Variants in SMC6 observed in about 807,000 individuals in gnomAD.
SMC6 encodes structural maintenance of chromosomes protein 6.
In SMC6, 79 loss-of-function variants were observed where a neutral mutation model predicts 142.2. The ratio of observed to expected loss-of-function variants is 0.56; its 90% CI spans 0.46 to 0.67. The LOEUF (loss-of-function observed/expected upper bound fraction) is 0.67. SMC6 is among the 30% of genes least tolerant of loss of function. The pLI, the probability that SMC6 is intolerant of heterozygous loss-of-function variation, is 0.00. For missense variants in SMC6, 1,072 were observed against 1,284.0 expected, an observed-to-expected ratio of 0.83 and a Z score of 2.52; for synonymous variants, 411 against 412.4, an observed-to-expected ratio of 1.00 and a Z score of 0.04.
chr2:17,666,068 C>T (rs761655269), intron 27 of SMC6, among the ~76,000 whole-genome samples: 2 of 152,130 alleles, frequency 1.3e-5, no homozygotes, highest in Non-Finnish European at 2.9e-5. Context: ...GAAAGATTGA[C>T]ATTTGTAAGT....
chr2:17,694,441 C>G (rs1667896276), intron 23 of SMC6, among the ~76,000 whole-genome samples: 1 of 152,056 alleles, frequency 6.6e-6, no homozygotes, highest in Non-Finnish European at 1.5e-5. Flanking sequence ...CATATGTACC[C>G]CACTGGAGTA....
At chr2:17,689,300 G>T (rs1048045172) in intron 23 of SMC6, among the ~76,000 whole-genome samples, 1 of 152,094 alleles carries the variant, frequency 6.6e-6, no homozygotes, top group African/African-American at 2.4e-5. Context: ...TTCTGTAAAA[G>T]AGCATGACAA....
At chr2:17,738,123 G>T (rs1670246803) in intron 5 of SMC6, 98 bp downstream of exon 5, 1 of 824,498 alleles carries the variant, frequency 1.2e-6, no homozygotes, top group Non-Finnish European at 1.9e-6. Context: ...TTCTGGGAAG[G>T]CACTTCATTT....
chr2:17,666,997 A>G (rs1384516214), intron 26 of SMC6, among the ~76,000 whole-genome samples: 1 of 152,212 alleles, frequency 6.6e-6, no homozygotes, highest in Non-Finnish European at 1.5e-5. Flanking sequence ...GAAAAAAGAG[A>G]AACTCTTCGG....
Position 17,715,022 on chromosome 2 carries a change from A to G in SMC6, c.1569T>C (p.Ile523=), listed in dbSNP as rs758151706. Residue 523 remains isoleucine (I), a synonymous_variant, in exon 16 of 28, where the codon ATT becomes ATC. Coordinates refer to ENST00000448223, the MANE Select transcript of SMC6 (RefSeq NM_001142286.2). ...GCAGAAGCCCTTTTAAGCAAGATTC[A>G]ATAGCCAAAGCAAGTTCTGGGTCCC... The part of the protein sequence containing the change: ...HLRDPELALA[I]ESCLKGLLQA... 36 of 1,613,862 alleles carry G rather than the reference A, an allele frequency of 2.2e-5. No homozygotes were observed. Among genetic ancestry groups the G allele is most frequent in the Non-Finnish European group, 3.1e-5 (36 of 1,179,930 alleles).
At chr2:17,745,222 A>T (rs1399556393) in intron 3 of SMC6, among the ~76,000 whole-genome samples, 2 of 152,182 alleles carry the variant, frequency 1.3e-5, no homozygotes, top group Admixed American at 1.3e-4. Context: ...AAGATAATAC[A>T]TTGAAAAGTG....
chr2:17,699,379 T>C (rs536386706), intron 21 of SMC6, among the ~76,000 whole-genome samples: 2 of 152,262 alleles, frequency 1.3e-5, no homozygotes, highest in Non-Finnish European at 1.5e-5. Flanking sequence ...TAAGACCTTT[T>C]CTTTAATTTC....
intron 2 of SMC6, among the ~76,000 whole-genome samples, chr2:17,749,264 C>G (rs571442577): frequency 1.3e-5 from 2 of 152,104 alleles, no homozygotes; most frequent in African/African-American, 4.8e-5. Flanking sequence ...ATCCATAAAG[C>G]TCGTCATAGT....
intron 23 of SMC6, among the ~76,000 whole-genome samples, chr2:17,691,143 T>C (rs1050906228): frequency 4.0e-5 from 6 of 150,506 alleles, no homozygotes; most frequent in Admixed American, 1.3e-4. Context: ...TCAAGATATA[T>C]CACTAAACCA....
chr2:17,669,941 T>C (rs1666676941), intron 26 of SMC6, among the ~76,000 whole-genome samples: 1 of 152,164 alleles, frequency 6.6e-6, no homozygotes, highest in African/African-American at 2.4e-5. Context: ...CAGAGGTAGG[T>C]CTCAAATCCT....
rs1666450323 is a variant in SMC6, at chr2:17,665,434, A to G, written c.*65T>C. 9.9e-7 allele frequency: 1 copy of G among 1,010,698 alleles called. No homozygotes were observed. Among genetic ancestry groups the G allele is most frequent in the South Asian group, 1.8e-5 (1 of 54,326 alleles). The allele number at this position is 1,010,698 out of a possible 1,614,324, so 62.6% of individuals were successfully genotyped here. A position where few individuals can be genotyped will look rare whatever the true frequency, so the allele number is the denominator to read the frequency against. On this transcript the variant is annotated 3_prime_UTR_variant, in exon 28 of 28. Coordinates refer to ENST00000448223, the MANE Select transcript of SMC6 (RefSeq NM_001142286.2). ...CCAGTCTCATTTTATTATATCAAAG[A>G]GTCCAGAATTTTTTTTCCCTTCACA...
rs61762669 is a variant in SMC6, at chr2:17,678,929, T to C, written c.2840A>G (p.Asn947Ser). 2 of 1,612,188 alleles carry C rather than the reference T, an allele frequency of 1.2e-6. No homozygotes were observed. Among genetic ancestry groups the C allele is most frequent in the Non-Finnish European group, 1.7e-6 (2 of 1,179,082 alleles). The change falls in exon 25 of 28, where the codon AAC becomes AGC. Residue 947 changes from asparagine to serine, a missense_variant. By Grantham distance (46) the Asn-to-Ser change is conservative. Transcript: ENST00000448223. ...LTLRCKLYFD[N>S]LLSQRAYCGK... The stretch of plus-strand genomic sequence containing the variant: ...ACAATAGGCCCGCTGAGATAGTAAG[T>C]TGTCAAAGTATAATTTGCATCGTAA...
chr2:17,708,626 C>G lies in SMC6; in HGVS notation c.1845+13G>C. On this transcript the variant is annotated intron_variant, in intron 17 of 27. Coordinates refer to ENST00000448223, the MANE Select transcript of SMC6 (RefSeq NM_001142286.2). ...CAATAACATCAAATACAGCAAAGAT[C>G]TGGAGGTCTTACTTTGATTAGTAGC... 2 of 1,363,630 alleles carry G rather than the reference C, an allele frequency of 1.5e-6. No homozygotes were observed. The highest frequency in any genetic ancestry group is 1.6e-5 in the South Asian group (1 of 62,962). The allele number at this position is 1,363,630 out of a possible 1,614,324, so 84.5% of individuals were successfully genotyped here.
chr2:17,728,593 A>G (rs561585638), intron 7 of SMC6, among the ~76,000 whole-genome samples: 1 of 152,340 alleles, frequency 6.6e-6, no homozygotes, highest in South Asian at 2.1e-4. Flanking sequence ...AATCCTAAGA[A>G]AAGCAAAAAG....
At chr2:17,740,783 G>C (rs961651595) in intron 4 of SMC6, 1 of 423,720 alleles carries the variant, frequency 2.4e-6, no homozygotes, top group Non-Finnish European at 4.7e-6. Flanking sequence ...CTGGGAGGCA[G>C]AGGTTGCATT....
At chr2:17,665,959 C>T (rs963451964) in intron 27 of SMC6, among the ~76,000 whole-genome samples, 1 of 152,108 alleles carries the variant, frequency 6.6e-6, no homozygotes, top group African/African-American at 2.4e-5. Context: ...ATCACATGGC[C>T]ACTTTAGAGA....
At chr2:17,732,523 A>AC (rs1669958634) in intron 5 of SMC6, among the ~76,000 whole-genome samples, 1 of 151,956 alleles carries the variant, frequency 6.6e-6, no homozygotes, top group Admixed American at 6.6e-5. Context: ...ACACGGTGAA[A>AC]CCCCATCTCT....
intron 24 of SMC6, 28 bp downstream of exon 24, chr2:17,683,610 A>ATT (rs747031359): frequency 6.4e-7 from 1 of 1,568,114 alleles, no homozygotes; most frequent in East Asian, 2.3e-5. Flanking sequence ...AATGTATAAT[A>ATT]TATAGTAACA....
intron 21 of SMC6, among the ~76,000 whole-genome samples, chr2:17,697,717 G>C (rs551551113): frequency 2.6e-5 from 4 of 152,192 alleles, no homozygotes; most frequent in Admixed American, 2.6e-4. Flanking sequence ...TAAGGATGTG[G>C]AGAAATTGGG....
Sources: allele counts gnomAD v4.1 joint callset (sites outside exome capture counted in the v4.1 genomes callset), GRCh38; gene constraint gnomAD v4.1.1; transcripts MANE v1.5; gene names NCBI Gene and HGNC (gene_info 2026-07-23, HGNC 2026-07-21).